The following IFT56 variants were observed in gnomAD, a reference collection of about 807,000 sequenced individuals.
IFT56 encodes the protein intraflagellar transport protein 56.
the IFT56 span, among the ~76,000 whole-genome samples, chr7:139,157,112 T>A: frequency 1.3e-5 from 2 of 151,772 alleles, no homozygotes; most frequent in Non-Finnish European, 1.5e-5. Context: ...TATGGTATCT[T>A]TCTCCATTTA....
chr7:139,189,291 A>G, the IFT56 span: 1 of 1,474,640 alleles, frequency 6.8e-7, no homozygotes, highest in Non-Finnish European at 9.3e-7. Context: ...CTTCATTGAA[A>G]CACTTTGTCT....
chr7:139,180,319 G>A, the IFT56 span, among the ~76,000 whole-genome samples: 1 of 152,102 alleles, frequency 6.6e-6, no homozygotes, highest in Non-Finnish European at 1.5e-5. Context: ...CTGGGCGACA[G>A]AGCGAGACTC....
the IFT56 span, among the ~76,000 whole-genome samples, chr7:139,150,386 A>G: frequency 4.6e-5 from 7 of 152,148 alleles, no homozygotes; most frequent in Non-Finnish European, 1.0e-4. Context: ...CAATTTATTA[A>G]ATGTTTACAT....
chr7:139,140,966 A>T, the IFT56 span, among the ~76,000 whole-genome samples: 2,438 of 142,126 alleles, frequency 0.017, 55 homozygotes, highest in African/African-American at 0.035. Context: ...TTTTTTTTTT[A>T]AAAGACAGGG....
At chr7:139,189,181 T>C in the IFT56 span, 1 of 586,112 alleles carries the variant, frequency 1.7e-6, no homozygotes, top group South Asian at 2.5e-5. Context: ...TTGTAATTGC[T>C]TTGTGAATAC....
chr7:139,191,208 A>G, the IFT56 span: 3 of 152,232 alleles, frequency 2.0e-5, no homozygotes, highest in African/African-American at 7.2e-5. Context: ...AAATAACTGA[A>G]TTCTAGGAAG....
At chr7:139,144,622 C>T in the IFT56 span, among the ~76,000 whole-genome samples, 5 of 151,006 alleles carry the variant, frequency 3.3e-5, no homozygotes, top group Non-Finnish European at 5.9e-5. Flanking sequence ...TGTATGTAGA[C>T]CTTTTGTTTG....
chr7:139,186,595 A>G, the IFT56 span, among the ~76,000 whole-genome samples: 1 of 152,312 alleles, frequency 6.6e-6, no homozygotes, highest in Admixed American at 6.5e-5. Context: ...TTAGAATAGT[A>G]GTCAGTATAC....
chr7:139,136,578 G>A, the IFT56 span, among the ~76,000 whole-genome samples: 1 of 152,092 alleles, frequency 6.6e-6, no homozygotes, highest in African/African-American at 2.4e-5. Flanking sequence ...AGCCTCCCAA[G>A]TAGCTGAGAC....
At chr7:139,154,237 C>T in the IFT56 span, among the ~76,000 whole-genome samples, 1 of 152,102 alleles carries the variant, frequency 6.6e-6, no homozygotes, top group South Asian at 2.1e-4. Context: ...GGTTCAGTCC[C>T]TTATCAGATA....
the IFT56 span, chr7:139,134,628 AT>A: frequency 6.3e-7 from 1 of 1,593,560 alleles, no homozygotes; most frequent in Admixed American, 1.8e-5. Context: ...GAATTGGACC[AT>A]ACAGCTGTCT....
At chr7:139,189,255 G>A in the IFT56 span, 1 of 1,239,242 alleles carries the variant, frequency 8.1e-7, no homozygotes, top group South Asian at 1.3e-5. Context: ...ACAGTTCAGA[G>A]TTTATTTTAT....
At chr7:139,171,081 T>G in the IFT56 span, among the ~76,000 whole-genome samples, 60 of 152,186 alleles carry the variant, frequency 3.9e-4, no homozygotes, top group Admixed American at 3.6e-3. Context: ...ATCAAAAAAG[T>G]AATCTCATTT....
the IFT56 span, chr7:139,172,901 G>A: frequency 2.8e-6 from 2 of 708,814 alleles, no homozygotes; most frequent in South Asian, 2.7e-5. Context: ...CTATGCACGG[G>A]TGTCTTCTTT....
the IFT56 span, chr7:139,168,653 T>G: frequency 2.3e-6 from 1 of 435,618 alleles, no homozygotes; most frequent in Non-Finnish European, 4.2e-6. Context: ...AGCAACTTAT[T>G]TAATAACTAA....
At chr7:139,191,055 C>G in the IFT56 span, 2 of 152,138 alleles carry the variant, frequency 1.3e-5, no homozygotes, top group South Asian at 2.1e-4. Context: ...AAGAAGAGAT[C>G]GATGACTGAA....
At chr7:139,137,978 T>A in the IFT56 span, 1 of 1,258,298 alleles carries the variant, frequency 7.9e-7, no homozygotes, top group Non-Finnish European at 1.1e-6. Flanking sequence ...CAGAACTGTG[T>A]TTAAAATGTT....
chr7:139,187,532 G>T, the IFT56 span: 1 of 1,614,044 alleles, frequency 6.2e-7, no homozygotes, highest in Non-Finnish European at 8.5e-7. Context: ...AGCTGGGAGA[G>T]AACCCAAGTA....
chr7:139,179,021 C>T, the IFT56 span, among the ~76,000 whole-genome samples: 6 of 152,018 alleles, frequency 3.9e-5, no homozygotes, highest in African/African-American at 1.5e-4. Context: ...CATAAGTATA[C>T]AGCTTGATGA....
Sources: allele counts gnomAD v4.1 joint callset (sites outside exome capture counted in the v4.1 genomes callset), GRCh38; gene constraint gnomAD v4.1.1; transcripts MANE v1.5; gene names NCBI Gene and HGNC (gene_info 2026-07-23, HGNC 2026-07-21).